Variants in MEF2A observed in about 807,000 individuals in gnomAD.
MEF2A encodes myocyte enhancer factor 2A, also known as myocyte-specific enhancer factor 2A.
Under a neutral mutation model 55.8 loss-of-function variants are expected in MEF2A, and 28 were observed. The observed-to-expected ratio is 0.50, with a 90% confidence interval of 0.37 to 0.69. The LOEUF is 0.69. Ranked by LOEUF, MEF2A falls within the 30% of genes least tolerant of loss-of-function variation. MEF2A has a pLI of 0.00. For missense variants in MEF2A, 528 were observed against 626.2 expected (o/e 0.84, Z 1.67); for synonymous variants, 239 against 227.1 (o/e 1.05, Z -0.47).
intron 2 of MEF2A, among the ~76,000 whole-genome samples, chr15:99,630,081 G>T (rs1012061228): frequency 7.3e-6 from 1 of 137,754 alleles, no homozygotes; most frequent in Non-Finnish European, 1.5e-5. Flanking sequence ...GGTTTTCTTT[G>T]TATTTATTTT....
rs1369419101 is a variant in MEF2A, at chr15:99,714,999, AAGG to A, written c.*2233_*2235del. 2.6e-5 allele frequency: 4 copies of A among 152,126 alleles called. No individual in the cohort carries two copies. The highest frequency in any genetic ancestry group is 7.2e-5 in the African/African-American group (3 of 41,426). The allele number at this position is 152,126 out of a possible 1,614,324, so 9.4% of individuals were successfully genotyped here. A position where few individuals can be genotyped will look rare whatever the true frequency, so the allele number is the denominator to read the frequency against. On this transcript the variant is annotated 3_prime_UTR_variant, in exon 12 of 12. Coordinates refer to ENST00000557942, the MANE Select transcript of MEF2A (RefSeq NM_001319206.4). ...AGTAACTTTTGAGAGAGGCCAAAAA[AAGG>A]AGGATGACATGCTGTCTCCTCTCTT...
At chr15:99,670,783 A>C (rs1035457287) in intron 4 of MEF2A, among the ~76,000 whole-genome samples, 1 of 152,232 alleles carries the variant, frequency 6.6e-6, no homozygotes, top group Non-Finnish European at 1.5e-5. Flanking sequence ...ATAATTATCA[A>C]GTTTGTTGTA....
At chr15:99,666,598 T>TAATAATAATAAC (rs2049799231) in intron 4 of MEF2A, among the ~76,000 whole-genome samples, 1 of 147,844 alleles carries the variant, frequency 6.8e-6, no homozygotes, top group Admixed American at 6.8e-5. Flanking sequence ...ATAATAATAA[T>TAATAATAATAAC]AATAATAATA....
intron 4 of MEF2A, among the ~76,000 whole-genome samples, chr15:99,666,121 T>G (rs1019918779): frequency 6.6e-6 from 1 of 152,236 alleles, no homozygotes; most frequent in East Asian, 1.9e-4. Flanking sequence ...CATTCTACTG[T>G]AAAGACACGT....
chr15:99,645,287 C>T (rs1030336561), intron 3 of MEF2A, among the ~76,000 whole-genome samples: 2 of 152,156 alleles, frequency 1.3e-5, no homozygotes, highest in African/African-American at 4.8e-5. Context: ...TCAACTGTTC[C>T]TTCTGTGGTG....
At chr15:99,678,045 AAAAC>A (rs1323780990) in intron 7 of MEF2A, among the ~76,000 whole-genome samples, 30 of 152,236 alleles carry the variant, frequency 2.0e-4, no homozygotes, top group Non-Finnish European at 4.0e-4. Flanking sequence ...CTGAAATAGA[AAAAC>A]AAATTGAATT....
chr15:99,572,009 A>T (rs922604744), intron 1 of MEF2A, among the ~76,000 whole-genome samples: 19 of 126,472 alleles, frequency 1.5e-4, no homozygotes, highest in East Asian at 2.4e-4. Context: ...CTTGCTCCAT[A>T]GAAGTTTTTT....
chr15:99,591,906 G>A (rs1969423733), intron 1 of MEF2A, among the ~76,000 whole-genome samples: 1 of 151,866 alleles, frequency 6.6e-6, no homozygotes, highest in South Asian at 2.1e-4. Context: ...TGAAGTTTAT[G>A]CCTTTAAAGA....
At chr15:99,631,921 A>G (rs2043009510) in intron 2 of MEF2A, among the ~76,000 whole-genome samples, 1 of 152,220 alleles carries the variant, frequency 6.6e-6, no homozygotes, top group South Asian at 2.1e-4. Flanking sequence ...TTGAAGTTTT[A>G]TTGATACACA....
rs377174921 is a variant in MEF2A at position 99,644,275 on chromosome 15, A to G, written c.55-1286A>G. 1.6e-4 allele frequency among the ~76,000 whole-genome samples: 24 copies of G among 152,254 alleles called. 1 individual carries two copies. Among genetic ancestry groups the G allele is most frequent in the Admixed American group, 1.1e-3 (17 of 15,294 alleles). On this transcript the variant is annotated intron_variant, in intron 3 of 11. Transcript: ENST00000557942. Reference sequence around the variant, plus strand: ...GTGTTACTATAGGGAGAAAACAGATACTCTGCTTAAATTTAGTGAAAACCA... The same window carrying G: ...GTGTTACTATAGGGAGAAAACAGATGCTCTGCTTAAATTTAGTGAAAACCA...
At chr15:99,616,774 A>G (rs1348484748) in intron 2 of MEF2A, among the ~76,000 whole-genome samples, 1 of 152,060 alleles carries the variant, frequency 6.6e-6, no homozygotes, top group East Asian at 1.9e-4. Flanking sequence ...CTGTAAAGTA[A>G]TGTTATATTT....
intron 8 of MEF2A, among the ~76,000 whole-genome samples, chr15:99,696,499 C>T (rs1367268248): frequency 1.3e-5 from 2 of 151,794 alleles, no homozygotes; most frequent in East Asian, 3.9e-4. Flanking sequence ...ATATTTTAAC[C>T]CAAGGACCAG....
chr15:99,608,479 TAGAA>T (rs999855291), intron 2 of MEF2A, among the ~76,000 whole-genome samples: 2 of 152,216 alleles, frequency 1.3e-5, no homozygotes, highest in African/African-American at 2.4e-5. Context: ...CAAATTAAAA[TAGAA>T]AGATGCCATC....
At chr15:99,624,389 C>G (rs1045209535) in intron 2 of MEF2A, among the ~76,000 whole-genome samples, 3 of 152,136 alleles carry the variant, frequency 2.0e-5, no homozygotes, top group Non-Finnish European at 4.4e-5. Flanking sequence ...CAACTTTATT[C>G]TTTTCCAGGT....
intron 3 of MEF2A, among the ~76,000 whole-genome samples, chr15:99,644,736 C>CCTAA (rs879521148): frequency 4.6e-5 from 7 of 152,190 alleles, no homozygotes; most frequent in Non-Finnish European, 8.8e-5. Context: ...AGGTTCACAA[C>CCTAA]AGCATTGAGC....
chr15:99,610,820 T>G (rs189403118), intron 2 of MEF2A, among the ~76,000 whole-genome samples: 1 of 152,368 alleles, frequency 6.6e-6, no homozygotes, highest in East Asian at 1.9e-4. Flanking sequence ...CTATATAGGC[T>G]AAGTCTTCAT....
intron 1 of MEF2A, among the ~76,000 whole-genome samples, chr15:99,588,485 T>C (rs1020150092): frequency 6.6e-6 from 1 of 152,022 alleles, no homozygotes; most frequent in Admixed American, 6.6e-5. Context: ...TTTCATATTT[T>C]AGCAGACTCA....
At chr15:99,675,722 C>T (rs947889954) in intron 7 of MEF2A, among the ~76,000 whole-genome samples, 1 of 152,164 alleles carries the variant, frequency 6.6e-6, no homozygotes, top group African/African-American at 2.4e-5. Flanking sequence ...CTATCTACTT[C>T]TACAGATAGA....
At chr15:99,705,776 C>T (rs2057963930) in intron 9 of MEF2A, among the ~76,000 whole-genome samples, 1 of 152,208 alleles carries the variant, frequency 6.6e-6, no homozygotes, top group Non-Finnish European at 1.5e-5. Flanking sequence ...TTATACTTTA[C>T]TGATTTGGCT....
Sources: gnomAD v4.1 joint callset for allele counts (sites outside exome capture counted in the v4.1 genomes callset) on GRCh38, gnomAD v4.1.1 for gene constraint, MANE v1.5 for transcripts, NCBI Gene and HGNC (gene_info 2026-07-23, HGNC 2026-07-21) for gene names.